The following SH3GL1 variants were observed in gnomAD, a reference collection of about 807,000 sequenced individuals.
SH3GL1 encodes the protein SH3 domain containing GRB2 like 1, endophilin A2.
In SH3GL1, 21 loss-of-function variants were observed where a neutral mutation model predicts 48.8. That is an observed-to-expected ratio of 0.43 (90% CI 0.30 to 0.62). SH3GL1 has a LOEUF of 0.62. Among genes scored for constraint, SH3GL1 ranks in the 20% least tolerant of loss-of-function variants. The pLI is 0.11. For synonymous variants in SH3GL1, 282 were observed against 217.5 expected, an observed-to-expected ratio of 1.30 and a Z score of -2.61; for missense variants, 454 against 503.0, an observed-to-expected ratio of 0.90 and a Z score of 0.93.
At chr19:4,366,782 CCCACACCACCCCATCTCT>C in intron 2 of SH3GL1, 126 bp downstream of exon 2, 10 of 946,572 alleles carry the variant, frequency 1.1e-5, no homozygotes, top group Non-Finnish European at 1.7e-5. Context: ...TGACGAGGCC[CCCACACCACCCCATCTCT>C]CCACACCTGC....
In SH3GL1 at chr19:4,360,629, C is replaced by T. The variant is rs888150680; in HGVS notation, c.*971G>A. ...ATTGGGCGATAGAGGAAGCAGATGT[C>T]GGGGCTGCCTGCCTTGGTCTAGAGG... On this transcript the variant is annotated 3_prime_UTR_variant, in exon 10 of 10. Transcript: ENST00000269886. The T allele has an allele frequency of 4.3e-5, 10 of 233,096 alleles. No individual in the cohort carries two copies. The highest frequency in any genetic ancestry group is 1.3e-4 in the African/African-American group (6 of 45,298). 14.4% of individuals were successfully genotyped at this position (233,096 alleles called of 1,614,324 possible). A position where few individuals can be genotyped will look rare whatever the true frequency, so the allele number is the denominator to read the frequency against.
At chr19:4,392,264 C>T (rs952597672) in intron 1 of SH3GL1, among the ~76,000 whole-genome samples, 6 of 152,186 alleles carry the variant, frequency 3.9e-5, no homozygotes, top group East Asian at 1.9e-4. Context: ...CACTGGCTCA[C>T]GCCTGTAATC....
chr19:4,364,243 A>C, intron 4 of SH3GL1, 22 bp from the exon 5 acceptor site: 1 of 1,613,692 alleles, frequency 6.2e-7, no homozygotes, highest in Non-Finnish European at 8.5e-7. Context: ...TGGTGGGGGA[A>C]GCCATCATAC....
At chr19:4,366,164 G>T (rs1972773614) in intron 3 of SH3GL1, among the ~76,000 whole-genome samples, 1 of 152,230 alleles carries the variant, frequency 6.6e-6, no homozygotes, top group South Asian at 2.1e-4. Flanking sequence ...TGAAGTCCAG[G>T]CCAGGGGCAC....
intron 1 of SH3GL1, among the ~76,000 whole-genome samples, chr19:4,381,856 C>A (rs1370175627): frequency 6.6e-6 from 1 of 151,548 alleles, no homozygotes; most frequent in Admixed American, 6.6e-5. Context: ...CCACGCCCCG[C>A]TAATTTTTTG....
At position 4,376,756 on chromosome 19, in the gene SH3GL1, C is replaced by A. The variant is rs1419167310; in HGVS notation, c.46-9762G>T. ...TCTGTCCATCCAAATGTCCCCATGGCTGCAAGGCTGCCCCACCCTCCTGCT... is the reference window on the plus strand; with the variant it reads ...TCTGTCCATCCAAATGTCCCCATGGATGCAAGGCTGCCCCACCCTCCTGCT... On this transcript the variant is annotated intron_variant, in intron 1 of 9. Transcript: ENST00000269886. This position sits in a 1 kb window ranked among gnomAD's most constrained non-coding sequence, Gnocchi z 4.3. 6.6e-6 allele frequency among the ~76,000 whole-genome samples: 1 copy of A among 152,176 alleles called. No homozygotes were observed. Among genetic ancestry groups the A allele is most frequent in the Non-Finnish European group, 1.5e-5 (1 of 68,032 alleles).
Position 4,367,831 on chromosome 19 carries a change from T to G in SH3GL1, c.46-837A>C, listed in dbSNP as rs1972815853. 6.6e-6 allele frequency among the ~76,000 whole-genome samples: 1 copy of G among 152,150 alleles called. No homozygotes were observed. Among genetic ancestry groups the G allele is most frequent in the African/African-American group, 2.4e-5 (1 of 41,442 alleles). On this transcript the variant is annotated intron_variant, in intron 1 of 9. Transcript: ENST00000269886. The surrounding 1 kb of genome is among the most constrained non-coding windows in gnomAD (Gnocchi z 4.2). ...CAGCACCGCTGTCTGAGCACAGGCG[T>G]TGCTTTCTTCACCCCACGTATCCCA... is the stretch of plus-strand genomic sequence containing the variant.
In SH3GL1 at chr19:4,362,496, C is replaced by T. The variant is rs752035153; in HGVS notation, c.854-111G>A. On this transcript the variant is annotated intron_variant, in intron 8 of 9. Transcript: ENST00000269886. The stretch of plus-strand genomic sequence containing the variant: ...GTCTGCCTTGGCGGTCCAGATGGAG[C>T]ACGGCTGAGAGCTGCACCCAGGAGT... 79 of 1,574,004 alleles carry T rather than the reference C, an allele frequency of 5.0e-5. 1 individual carries two copies. The highest frequency in any genetic ancestry group is 1.3e-4 in the South Asian group (11 of 87,652).
At chr19:4,392,265 G>A (rs983754965) in intron 1 of SH3GL1, among the ~76,000 whole-genome samples, 2 of 152,192 alleles carry the variant, frequency 1.3e-5, no homozygotes, top group East Asian at 3.8e-4. Flanking sequence ...ACTGGCTCAC[G>A]CCTGTAATCC....
chr19:4,370,519 C>T (rs1972877500), intron 1 of SH3GL1, among the ~76,000 whole-genome samples: 1 of 152,188 alleles, frequency 6.6e-6, no homozygotes, highest in East Asian at 1.9e-4. Context: ...TGGGGGCCCC[C>T]TCCCCACTCT....
intron 1 of SH3GL1, among the ~76,000 whole-genome samples, chr19:4,393,297 C>A (rs377034540): frequency 2.7e-5 from 4 of 150,376 alleles, no homozygotes; most frequent in East Asian, 2.0e-4. Context: ...AACAAACAAA[C>A]AAAAAAAAAC....
At chr19:4,362,760 G>C (rs1469341825) in intron 7 of SH3GL1, 24 bp from the exon 8 acceptor site, 3 of 1,613,190 alleles carry the variant, frequency 1.9e-6, no homozygotes, top group Non-Finnish European at 2.5e-6. Context: ...GGCGTGAGTG[G>C]ACCGAGCCCG....
intron 1 of SH3GL1, among the ~76,000 whole-genome samples, chr19:4,392,484 G>A (rs570152412): frequency 2.1e-4 from 31 of 149,682 alleles, no homozygotes; most frequent in African/African-American, 6.4e-4. Context: ...AGATCGGCCC[G>A]CTGCACTCCA....
chr19:4,365,851 C>T (rs1001367884), intron 3 of SH3GL1, among the ~76,000 whole-genome samples: 2 of 152,210 alleles, frequency 1.3e-5, no homozygotes, highest in East Asian at 3.9e-4. Flanking sequence ...GGGGGCAAAA[C>T]CTCCTCCTTC....
chr19:4,363,634 G>A (rs545258192), intron 6 of SH3GL1, 86 bp downstream of exon 6: 58 of 1,562,212 alleles, frequency 3.7e-5, no homozygotes, highest in Middle Eastern at 2.1e-4. Context: ...GGTAGGTGCC[G>A]ATCTGTCCTC....
In SH3GL1 at chr19:4,400,203, G is replaced by T; in HGVS notation, c.45+121C>A. ...CCCTTGGTCTTCCCACCTGGCAGGG[G>T]ACACGCGCCAACGTCCCCACCTCGG... is the stretch of plus-strand genomic sequence containing the variant. On this transcript the variant is annotated intron_variant, in intron 1 of 9. Coordinates refer to ENST00000269886, the MANE Select transcript of SH3GL1 (RefSeq NM_003025.4). The surrounding 1 kb of genome is among the most constrained non-coding windows in gnomAD (Gnocchi z 4.1). The T allele has an allele frequency of 9.1e-7, 1 of 1,092,978 alleles. No homozygotes were observed. The highest frequency in any genetic ancestry group is 1.3e-6 in the Non-Finnish European group (1 of 780,964). 67.7% of individuals were successfully genotyped at this position (1,092,978 alleles called of 1,614,324 possible).
intron 1 of SH3GL1, among the ~76,000 whole-genome samples, chr19:4,372,482 A>C (rs1294460901): frequency 6.6e-6 from 1 of 152,228 alleles, no homozygotes; most frequent in South Asian, 2.1e-4. Context: ...CCTCTGTGCA[A>C]AACAGCTGGA....
intron 1 of SH3GL1, among the ~76,000 whole-genome samples, chr19:4,391,833 G>T (rs1422966235): frequency 2.0e-5 from 3 of 152,222 alleles, no homozygotes; most frequent in Non-Finnish European, 4.4e-5. Context: ...GAAACAGAGT[G>T]AGCCCTGCCT....
intron 1 of SH3GL1, among the ~76,000 whole-genome samples, chr19:4,395,288 G>A (rs978372248): frequency 6.6e-6 from 1 of 152,140 alleles, no homozygotes. Context: ...TCAGCTGGAA[G>A]GTACTTTTGA....
Sources: allele counts gnomAD v4.1 joint callset (sites outside exome capture counted in the v4.1 genomes callset), GRCh38; gene constraint gnomAD v4.1.1; non-coding constraint Gnocchi (gnomAD v3.1); transcripts MANE v1.5; gene names NCBI Gene and HGNC (gene_info 2026-07-23, HGNC 2026-07-21).